The following SLC35F3 variants were observed in gnomAD, a reference collection of about 807,000 sequenced individuals.
SLC35F3 encodes the protein putative thiamine transporter SLC35F3.
In SLC35F3, 25 loss-of-function variants were observed where a neutral mutation model predicts 49.9. That is an observed-to-expected ratio of 0.50 (90% CI 0.37 to 0.70). The LOEUF is 0.70. Among genes scored for constraint, SLC35F3 ranks in the 30% least tolerant of loss-of-function variants. The pLI is 0.00. For missense variants in SLC35F3, 525 were observed against 639.8 expected, an observed-to-expected ratio of 0.82 and a Z score of 1.94; for synonymous variants, 275 against 265.4, an observed-to-expected ratio of 1.04 and a Z score of -0.35.
rs183426555 is a variant in SLC35F3, at chr1:233,939,599, T to C, written c.283+33841T>C. Among the ~76,000 whole-genome samples the C allele has an allele frequency of 1.7e-3, 263 of 152,306 alleles. 1 individual carries two copies. Among genetic ancestry groups the C allele is most frequent in the African/African-American group, 6.2e-3 (256 of 41,564 alleles). On this transcript the variant is annotated intron_variant, in intron 2 of 7. Transcript: ENST00000366618. ...GCTAAATCTCAGCTTATATTAGAGC[T>C]GTGTTCTTTACATGATTATGAACGG...
intron 2 of SLC35F3, among the ~76,000 whole-genome samples, chr1:233,956,954 G>A (rs919990689): frequency 3.9e-5 from 6 of 152,228 alleles, no homozygotes; most frequent in African/African-American, 1.4e-4. Flanking sequence ...ATGGCAAGCC[G>A]TGACCATGCA....
intron 2 of SLC35F3, among the ~76,000 whole-genome samples, chr1:233,941,396 A>G (rs1480313528): frequency 6.6e-6 from 1 of 152,204 alleles, no homozygotes; most frequent in Non-Finnish European, 1.5e-5. Context: ...CTACTATATA[A>G]CAATTGTCAC....
chr1:234,017,739 C>G (rs913046008), intron 2 of SLC35F3, among the ~76,000 whole-genome samples: 2 of 143,742 alleles, frequency 1.4e-5, no homozygotes, highest in Non-Finnish European at 1.5e-5. Flanking sequence ...AAAAAAGACA[C>G]CTTGCTTAGT....
At chr1:234,278,126 G>C (rs1668241439) in intron 3 of SLC35F3, among the ~76,000 whole-genome samples, 1 of 152,106 alleles carries the variant, frequency 6.6e-6, no homozygotes, top group Non-Finnish European at 1.5e-5. Flanking sequence ...CTGGGGGTTG[G>C]AGGCTGCAGT....
chr1:233,950,945 T>C (rs1662597514), intron 2 of SLC35F3, among the ~76,000 whole-genome samples: 1 of 152,076 alleles, frequency 6.6e-6, no homozygotes, highest in Non-Finnish European at 1.5e-5. Context: ...CAAGCTCTGA[T>C]GACAGTAACC....
chr1:234,220,851 A>G (rs1311036782), intron 2 of SLC35F3, among the ~76,000 whole-genome samples: 1 of 152,214 alleles, frequency 6.6e-6, no homozygotes, highest in Admixed American at 6.5e-5. Context: ...TGGGGGAGTC[A>G]CGTTTAGAAA....
chr1:233,986,520 T>C lies in SLC35F3; in HGVS notation c.283+80762T>C, dbSNP rs1037573313. ...AGCATATATGTATATGTATGTATTATATGTTGTTATATATTATATACTATT... is the reference window on the plus strand; with the variant it reads ...AGCATATATGTATATGTATGTATTACATGTTGTTATATATTATATACTATT... On this transcript the variant is annotated intron_variant, in intron 2 of 7. Coordinates refer to ENST00000366618, the MANE Select transcript of SLC35F3 (RefSeq NM_173508.4). Among the ~76,000 whole-genome samples the C allele has an allele frequency of 6.6e-5, 10 of 152,334 alleles. 1 individual carries two copies. Among genetic ancestry groups the C allele is most frequent in the East Asian group, 1.9e-4 (1 of 5,194 alleles).
chr1:234,084,892 G>A (rs1165174895), intron 2 of SLC35F3, among the ~76,000 whole-genome samples: 2 of 152,176 alleles, frequency 1.3e-5, no homozygotes, highest in East Asian at 3.8e-4. Context: ...GGACTGAGGG[G>A]CCACATTAGA....
At chr1:234,002,146 T>C (rs1303737417) in intron 2 of SLC35F3, among the ~76,000 whole-genome samples, 1 of 152,154 alleles carries the variant, frequency 6.6e-6, no homozygotes, top group East Asian at 1.9e-4. Context: ...ACTTTTGGAT[T>C]TACAGATCAA....
rs529457789 is a variant in SLC35F3, at chr1:234,038,184, A to G, written c.283+132426A>G. On this transcript the variant is annotated intron_variant, in intron 2 of 7. Transcript: ENST00000366618. ...TGTGTCCATGTGTTCTCACTGTTCA[A>G]TTCCCACCTATGAGTGAGAACATGT... is the stretch of plus-strand genomic sequence containing the variant. 7.2e-5 allele frequency among the ~76,000 whole-genome samples: 10 copies of G among 138,598 alleles called. No homozygotes were observed. The East Asian group carries it at 1.3e-3, about 18-fold the overall frequency. The allele number at this position is 138,598 out of a possible 152,430, so 90.9% of individuals were successfully genotyped here. A position where few individuals can be genotyped will look rare whatever the true frequency, so the allele number is the denominator to read the frequency against.
At chr1:234,092,801 G>A (rs978335957) in intron 2 of SLC35F3, among the ~76,000 whole-genome samples, 1 of 152,208 alleles carries the variant, frequency 6.6e-6, no homozygotes. Context: ...CCAGGAGTTC[G>A]AGGCTGCAGT....
intron 2 of SLC35F3, among the ~76,000 whole-genome samples, chr1:234,109,187 G>A (rs1348835391): frequency 2.0e-5 from 3 of 152,146 alleles, no homozygotes; most frequent in Non-Finnish European, 4.4e-5. Context: ...TGGAGGCCAG[G>A]CTCAAGAAAT....
At chr1:234,312,862 TTTG>T (rs1268970733) in intron 4 of SLC35F3, among the ~76,000 whole-genome samples, 3 of 56,002 alleles carry the variant, frequency 5.4e-5, no homozygotes. Flanking sequence ...GGTTTTTTTG[TTTG>T]TTTGTTTGTT....
At chr1:234,152,689 C>T (rs916599957) in intron 2 of SLC35F3, among the ~76,000 whole-genome samples, 9 of 152,094 alleles carry the variant, frequency 5.9e-5, no homozygotes, top group African/African-American at 1.4e-4. Flanking sequence ...AATAAATATA[C>T]GTGTGCATGT....
chr1:233,909,976 C>T (rs901749615), intron 2 of SLC35F3, among the ~76,000 whole-genome samples: 62 of 152,300 alleles, frequency 4.1e-4, no homozygotes, highest in Admixed American at 3.9e-3. Flanking sequence ...TTCAGGATGG[C>T]CAGATCGAGT....
At position 233,905,768 on chromosome 1, in the gene SLC35F3, C is replaced by T. The variant is rs893837527; in HGVS notation, c.283+10C>T. ...GCAGCGAGCTGCAAAAGTAAGACCC[C>T]CTCACGTCATGTTTCCCGTTCACTG... On this transcript the variant is annotated intron_variant, in intron 2 of 7. Coordinates refer to ENST00000366618, the MANE Select transcript of SLC35F3 (RefSeq NM_173508.4). 3 of 1,599,476 alleles carry T rather than the reference C, an allele frequency of 1.9e-6. No homozygotes were observed. The African/African-American group carries it at 4.0e-5, about 21-fold the overall frequency.
At chr1:233,980,671 T>G (rs1333363929) in intron 2 of SLC35F3, among the ~76,000 whole-genome samples, 2 of 152,188 alleles carry the variant, frequency 1.3e-5, no homozygotes, top group East Asian at 3.9e-4. Context: ...CGGAATGATG[T>G]TATATTTTCA....
At chr1:234,178,874 C>T (rs141241437) in intron 2 of SLC35F3, among the ~76,000 whole-genome samples, 46 of 152,302 alleles carry the variant, frequency 3.0e-4, no homozygotes, top group Middle Eastern at 6.8e-3. Flanking sequence ...GTGTATCTAT[C>T]ATTACAGTAT....
At chr1:233,990,584 G>C (rs1263786688) in intron 2 of SLC35F3, among the ~76,000 whole-genome samples, 4 of 151,860 alleles carry the variant, frequency 2.6e-5, no homozygotes, top group Admixed American at 2.0e-4. Context: ...TGCATTCTTG[G>C]ATTTTGCTAA....
Sources: allele counts gnomAD v4.1 joint callset (sites outside exome capture counted in the v4.1 genomes callset), GRCh38; gene constraint gnomAD v4.1.1; transcripts MANE v1.5; gene names NCBI Gene and HGNC (gene_info 2026-07-23, HGNC 2026-07-21).